ROBO2: variants seen among roughly 807,000 people sequenced by gnomAD.
ROBO2 encodes roundabout homolog 2.
A neutral mutation model predicts 160.8 loss-of-function variants in ROBO2; 53 were observed. The ratio of observed to expected loss-of-function variants is 0.33; its 90% CI spans 0.26 to 0.41. The LOEUF is 0.41. Among genes scored for constraint, ROBO2 ranks in the 10% least tolerant of loss-of-function variants. ROBO2 has a pLI of 1.00. For missense variants in ROBO2, 1,577 were observed against 1,722.4 expected (o/e 0.92, Z 1.49); for synonymous variants, 664 against 611.7 (o/e 1.09, Z -1.26).
chr3:76,437,185 A>G (rs531588949), intron 2 of ROBO2, among the ~76,000 whole-genome samples: 5 of 152,306 alleles, frequency 3.3e-5, no homozygotes, highest in East Asian at 1.9e-4. Flanking sequence ...AAATTTTCAA[A>G]TATACATAAT....
intron 1 of ROBO2, among the ~76,000 whole-genome samples, chr3:77,045,968 C>A (rs1406129658): frequency 6.6e-6 from 1 of 152,146 alleles, no homozygotes; most frequent in South Asian, 2.1e-4. Context: ...TTTTTTATTG[C>A]CAAACAATAT....
At chr3:76,266,977 A>C (rs2107613434) in intron 2 of ROBO2, among the ~76,000 whole-genome samples, 1 of 152,266 alleles carries the variant, frequency 6.6e-6, no homozygotes, top group South Asian at 2.1e-4. Flanking sequence ...TCGGTACTTA[A>C]ATTGAAATAT....
intron 2 of ROBO2, among the ~76,000 whole-genome samples, chr3:77,313,814 C>T (rs2063743481): frequency 6.6e-6 from 1 of 152,122 alleles, no homozygotes; most frequent in African/African-American, 2.4e-5. Flanking sequence ...GAACTCCCGA[C>T]CTCAGGTGAT....
At chr3:76,044,885 C>G (rs2067399894) in intron 2 of ROBO2, among the ~76,000 whole-genome samples, 1 of 151,938 alleles carries the variant, frequency 6.6e-6, no homozygotes, top group South Asian at 2.1e-4. Context: ...ACAGTGAGGT[C>G]AGAGAGTGTC....
At chr3:76,017,936 T>G (rs1049966211) in intron 2 of ROBO2, among the ~76,000 whole-genome samples, 1 of 152,064 alleles carries the variant, frequency 6.6e-6, no homozygotes, top group African/African-American at 2.4e-5. Context: ...AAGAAAAATG[T>G]TTTGTTAGAT....
intron 2 of ROBO2, among the ~76,000 whole-genome samples, chr3:77,109,116 AT>A (rs1446052626): frequency 6.6e-6 from 1 of 152,200 alleles, no homozygotes; most frequent in Non-Finnish European, 1.5e-5. Flanking sequence ...GTTGATAGAA[AT>A]TTAAAAAACG....
At chr3:76,708,049 A>G (rs574552455) in intron 2 of ROBO2, among the ~76,000 whole-genome samples, 3 of 152,288 alleles carry the variant, frequency 2.0e-5, no homozygotes, top group East Asian at 3.9e-4. Context: ...AAGTAAGCCT[A>G]CAAGTTTTCA....
chr3:77,583,761 G>A (rs2093975772), intron 16 of ROBO2, among the ~76,000 whole-genome samples: 1 of 152,058 alleles, frequency 6.6e-6, no homozygotes, highest in Non-Finnish European at 1.5e-5. Flanking sequence ...GAACATTGCA[G>A]ATGAAATAAA....
intron 2 of ROBO2, among the ~76,000 whole-genome samples, chr3:77,445,137 T>C (rs1338908034): frequency 2.6e-5 from 4 of 152,168 alleles, no homozygotes; most frequent in Non-Finnish European, 5.9e-5. Flanking sequence ...ACTTAGATAG[T>C]TCAGTGTCTT....
chr3:77,461,733 CTT>C (rs11436957), intron 2 of ROBO2, among the ~76,000 whole-genome samples: 9 of 145,388 alleles, frequency 6.2e-5, no homozygotes, highest in Middle Eastern at 3.6e-3. Flanking sequence ...TCTTGATGTA[CTT>C]TTTTTTTTTT....
intron 2 of ROBO2, among the ~76,000 whole-genome samples, chr3:76,703,740 C>T (rs967216740): frequency 1.3e-5 from 2 of 152,060 alleles, no homozygotes; most frequent in Non-Finnish European, 2.9e-5. Flanking sequence ...ATATTTGCCA[C>T]GTTTTCTTTG....
At chr3:76,185,100 T>C (rs1701681771) in intron 2 of ROBO2, among the ~76,000 whole-genome samples, 1 of 150,348 alleles carries the variant, frequency 6.7e-6, no homozygotes, top group Admixed American at 6.7e-5. Context: ...TCATCACAGG[T>C]ATGGACTCAG....
At chr3:77,622,033 G>A (rs1408133719) in intron 22 of ROBO2, among the ~76,000 whole-genome samples, 194 bp from the exon 24 acceptor site, 1 of 151,712 alleles carries the variant, frequency 6.6e-6, no homozygotes, top group Non-Finnish European at 1.5e-5. Context: ...GAGTTTAATG[G>A]TTTATGTTTT....
chr3:77,291,255 A>T (rs2061202885), intron 2 of ROBO2, among the ~76,000 whole-genome samples: 1 of 152,078 alleles, frequency 6.6e-6, no homozygotes, highest in Non-Finnish European at 1.5e-5. Flanking sequence ...TTGACGGTTA[A>T]ACGGGTAAGC....
intron 2 of ROBO2, among the ~76,000 whole-genome samples, chr3:76,211,251 G>A (rs1443318457): frequency 6.6e-6 from 1 of 151,988 alleles, no homozygotes; most frequent in African/African-American, 2.4e-5. Context: ...TGAGTTCATA[G>A]TTTGCTAACT....
chr3:76,355,930 C>T (rs1306217330), intron 2 of ROBO2, among the ~76,000 whole-genome samples: 1 of 151,752 alleles, frequency 6.6e-6, no homozygotes, highest in East Asian at 1.9e-4. Flanking sequence ...TCACCCCTTA[C>T]AGCAGCAGCC....
chr3:76,478,143 C>G (rs2079026351), intron 2 of ROBO2, among the ~76,000 whole-genome samples: 1 of 150,052 alleles, frequency 6.7e-6, no homozygotes, highest in African/African-American at 2.5e-5. Flanking sequence ...CATCATTTAA[C>G]ATTAGGTATA....
chr3:76,130,686 G>GA (rs1472764130), intron 2 of ROBO2, among the ~76,000 whole-genome samples: 2 of 151,874 alleles, frequency 1.3e-5, no homozygotes, highest in East Asian at 1.9e-4. Flanking sequence ...AAAAATACCT[G>GA]AAAAAATCAA....
chr3:76,027,975 G>C (rs555867890), intron 2 of ROBO2, among the ~76,000 whole-genome samples: 64 of 151,976 alleles, frequency 4.2e-4, no homozygotes, highest in African/African-American at 1.5e-3. Context: ...AAGCCAAGGA[G>C]CCAATAGGAT....
Sources: gnomAD v4.1 joint callset for allele counts (sites outside exome capture counted in the v4.1 genomes callset) on GRCh38, gnomAD v4.1.1 for gene constraint, MANE v1.5 for transcripts, NCBI Gene and HGNC (gene_info 2026-07-23, HGNC 2026-07-21) for gene names.